Variants in PIGF observed in about 807,000 individuals in gnomAD.
The protein encoded by PIGF is GPI ethanolamine phosphate transferase, stabilizing subunit.
PIGF carries 23 observed loss-of-function variants against 26.0 expected under a neutral mutation model. That is an observed-to-expected ratio of 0.88 (90% CI 0.64 to 1.25). The LOEUF is 1.25. Among genes scored for constraint, PIGF ranks in the 50% most tolerant of loss-of-function variants. The pLI, the probability that PIGF is intolerant of heterozygous loss-of-function variation, is 0.00. For missense variants in PIGF, 278 were observed against 249.9 expected, an observed-to-expected ratio of 1.11 and a Z score of -0.76; for synonymous variants, 93 against 92.6, an observed-to-expected ratio of 1.00 and a Z score of -0.03.
At chr2:46,587,385 T>A (rs1669609900) in intron 5 of PIGF, among the ~76,000 whole-genome samples, 1 of 151,990 alleles carries the variant, frequency 6.6e-6, no homozygotes, top group Non-Finnish European at 1.5e-5. Context: ...TCTGTGACTT[T>A]AGGAAATGAA....
At chr2:46,597,975 T>C (rs1188267814) in intron 4 of PIGF, among the ~76,000 whole-genome samples, 1 of 152,216 alleles carries the variant, frequency 6.6e-6, no homozygotes, top group African/African-American at 2.4e-5. Context: ...GTCTTCTACT[T>C]AAAGACCTTG....
chr2:46,584,615 TA>T (rs1295035974), intron 5 of PIGF, among the ~76,000 whole-genome samples: 4 of 152,196 alleles, frequency 2.6e-5, no homozygotes, highest in Non-Finnish European at 5.9e-5. Context: ...AACACTTGGT[TA>T]TTCATGTTAT....
chr2:46,588,383 T>C lies in PIGF; in HGVS notation c.546+4092A>G. ...AAATAAATCATGGAATTTGCATTTT[T>C]TGAAGGCTAAAAATATAGTCATTAA... On this transcript the variant is annotated intron_variant, in intron 5 of 5. Coordinates refer to ENST00000281382, the MANE Select transcript of PIGF (RefSeq NM_002643.4). The surrounding 1 kb of genome is among the most constrained non-coding windows in gnomAD (Gnocchi z 4.1). 3.4e-6 allele frequency: 2 copies of C among 592,596 alleles called. No individual in the cohort carries two copies. Among genetic ancestry groups the C allele is most frequent in the Non-Finnish European group, 5.4e-6 (2 of 367,590 alleles). 36.7% of individuals were successfully genotyped at this position (592,596 alleles called of 1,614,324 possible).
chr2:46,617,021 C>G lies in PIGF; in HGVS notation c.-73G>C, dbSNP rs1670665950. On this transcript the variant is annotated 5_prime_UTR_variant, in exon 1 of 6. Transcript: ENST00000281382. ...GCGGGGAACTACTGCCTCCTACCAT[C>G]AGGTACGACGGGCGGCCCAGGCCCA... is the stretch of plus-strand genomic sequence containing the variant. 1.7e-6 allele frequency: 1 copy of G among 583,536 alleles called. No homozygotes were observed. The highest frequency in any genetic ancestry group is 1.9e-5 in the African/African-American group (1 of 52,742). The allele number at this position is 583,536 out of a possible 1,614,324, so 36.1% of individuals were successfully genotyped here.
chr2:46,588,015 G>C lies in PIGF; in HGVS notation c.546+4460C>G. Reference sequence around the variant, plus strand: ...CCACCTGAGTAATGCTAAGCAAGATGTGTACTCCTCCCCTCTCACACTTGG... The same window carrying C: ...CCACCTGAGTAATGCTAAGCAAGATCTGTACTCCTCCCCTCTCACACTTGG... On this transcript the variant is annotated intron_variant, in intron 5 of 5. Coordinates refer to ENST00000281382, the MANE Select transcript of PIGF (RefSeq NM_002643.4). This position sits in a 1 kb window ranked among gnomAD's most constrained non-coding sequence, Gnocchi z 4.1. The C allele has an allele frequency of 3.5e-6, 5 of 1,410,016 alleles. No individual in the cohort carries two copies. The highest frequency in any genetic ancestry group is 3.8e-6 in the Non-Finnish European group (4 of 1,063,980). 87.3% of individuals were successfully genotyped at this position (1,410,016 alleles called of 1,614,324 possible).
intron 4 of PIGF, among the ~76,000 whole-genome samples, chr2:46,600,660 A>G (rs1402297388): frequency 6.6e-6 from 1 of 152,180 alleles, no homozygotes; most frequent in Non-Finnish European, 1.5e-5. Context: ...AAGGAGAATC[A>G]GTAAGAAGCA....
intron 4 of PIGF, 70 bp from the exon 5 acceptor site, chr2:46,592,653 GCACACAT>G (rs1261461402): frequency 1.3e-6 from 1 of 770,394 alleles, no homozygotes; most frequent in Non-Finnish European, 2.4e-6. Flanking sequence ...ACAAGCACTA[GCACACAT>G]TATCAGTATA....
intron 4 of PIGF, among the ~76,000 whole-genome samples, chr2:46,606,405 T>C (rs1670223935): frequency 1.3e-5 from 2 of 152,176 alleles, no homozygotes; most frequent in African/African-American, 2.4e-5. Context: ...TATCGGTAAA[T>C]AAAGAGTTTT....
chr2:46,606,469 C>G (rs1670225978), intron 4 of PIGF, among the ~76,000 whole-genome samples: 1 of 151,992 alleles, frequency 6.6e-6, no homozygotes, highest in African/African-American at 2.4e-5. Flanking sequence ...ATGCATAGTA[C>G]TTCACAGTGT....
intron 4 of PIGF, among the ~76,000 whole-genome samples, 199 bp from the exon 5 acceptor site, chr2:46,592,782 G>T (rs1212879219): frequency 6.6e-6 from 1 of 152,182 alleles, no homozygotes; most frequent in Non-Finnish European, 1.5e-5. Context: ...CATTGGAAAG[G>T]TAATATACAG....
rs917765102 is a variant in PIGF, at chr2:46,581,338, T to C, written c.*140A>G. The C allele has an allele frequency of 5.3e-6, 7 of 1,317,448 alleles. No homozygotes were observed. In the African/African-American group the frequency reaches 6.0e-5, roughly 11 times the overall value. 81.6% of individuals were successfully genotyped at this position (1,317,448 alleles called of 1,614,324 possible). Reference sequence around the variant, plus strand: ...AAGGTACAATCTCTCAGGGGTTTCATAGTTTAAAAAGCTACAATCACATCA... The same window carrying C: ...AAGGTACAATCTCTCAGGGGTTTCACAGTTTAAAAAGCTACAATCACATCA... On this transcript the variant is annotated 3_prime_UTR_variant, in exon 6 of 6. Coordinates refer to ENST00000281382, the MANE Select transcript of PIGF (RefSeq NM_002643.4).
intron 4 of PIGF, 43 bp downstream of exon 4, chr2:46,612,184 AT>A (rs921723139): frequency 1.3e-5 from 8 of 596,204 alleles, no homozygotes; most frequent in African/African-American, 3.9e-5. Flanking sequence ...TTCATTAATT[AT>A]TTTTTAATTT....
In PIGF at chr2:46,615,088, A is replaced by T. The variant is rs762056909; in HGVS notation, c.77T>A (p.Ile26Asn). 1 of 1,586,840 alleles carries T rather than the reference A, an allele frequency of 6.3e-7. No homozygotes were observed. Among genetic ancestry groups the T allele is most frequent in the Admixed American group, 1.7e-5 (1 of 60,002 alleles). The change falls in exon 2 of 6, where the codon ATT becomes AAT. Residue 26 changes from isoleucine to asparagine, a missense_variant. Ile to Asn is a moderately radical substitution (Grantham distance 149). Coordinates refer to ENST00000281382, the MANE Select transcript of PIGF (RefSeq NM_002643.4). The part of the protein sequence containing the change: ...CIFSIILSVF[I>N]PSLFLENFSI... ...GAAGTTCTCCAAGAAGAGTGATGGA[A>T]TGAAGACACTTAGGATAATTGAAAA... is the stretch of plus-strand genomic sequence containing the variant.
rs1352442263 is a variant in PIGF, at chr2:46,588,411, T to C, written c.546+4064A>G. The C allele has an allele frequency of 2.4e-6, 1 of 425,002 alleles. No homozygotes were observed. Among genetic ancestry groups the C allele is most frequent in the Non-Finnish European group, 4.1e-6 (1 of 243,166 alleles). 26.3% of individuals were successfully genotyped at this position (425,002 alleles called of 1,614,324 possible). A position where few individuals can be genotyped will look rare whatever the true frequency, so the allele number is the denominator to read the frequency against. The stretch of plus-strand genomic sequence containing the variant: ...AAGGCTAAAAATATAGTCATTAAAC[T>C]ATGTCTTTTCTAGGTCACAAATGCC... On this transcript the variant is annotated intron_variant, in intron 5 of 5. Transcript: ENST00000281382. This position sits in a 1 kb window ranked among gnomAD's most constrained non-coding sequence, Gnocchi z 4.1.
In PIGF at chr2:46,592,016, T is replaced by C; in HGVS notation, c.546+459A>G. On this transcript the variant is annotated intron_variant, in intron 5 of 5. Coordinates refer to ENST00000281382, the MANE Select transcript of PIGF (RefSeq NM_002643.4). ...CCACAAGGGCAATAAATATCAAAGT[T>C]GAAAATAGGAAATTTCTGCAGCTAT... The C allele has an allele frequency of 9.5e-6, 12 of 1,260,636 alleles. 1 individual carries two copies. Among genetic ancestry groups the C allele is most frequent in the South Asian group, 8.9e-5 (7 of 78,900 alleles). 78.1% of individuals were successfully genotyped at this position (1,260,636 alleles called of 1,614,324 possible). A position where few individuals can be genotyped will look rare whatever the true frequency, so the allele number is the denominator to read the frequency against.
In PIGF at chr2:46,607,239, A is replaced by G. The variant is rs139107893; in HGVS notation, c.437+4989T>C. On this transcript the variant is annotated intron_variant, in intron 4 of 5. Coordinates refer to ENST00000281382, the MANE Select transcript of PIGF (RefSeq NM_002643.4). Reference sequence around the variant, plus strand: ...GCACATCTGGTGTTAATTTTCCCTCAGATTTCCAACAACCATCTCATCACT... The same window carrying G: ...GCACATCTGGTGTTAATTTTCCCTCGGATTTCCAACAACCATCTCATCACT... 1.3e-3 allele frequency among the ~76,000 whole-genome samples: 194 copies of G among 152,350 alleles called. 2 individuals are homozygous for G. Among genetic ancestry groups the G allele is most frequent in the African/African-American group, 4.5e-3 (188 of 41,588 alleles).
At chr2:46,586,925 T>C (rs1364769335) in intron 5 of PIGF, among the ~76,000 whole-genome samples, 2 of 152,242 alleles carry the variant, frequency 1.3e-5, no homozygotes, top group Non-Finnish European at 2.9e-5. Flanking sequence ...GGAAGAGTTA[T>C]TTGCGAAGGG....
chr2:46,604,225 C>T (rs1324121299), intron 4 of PIGF, among the ~76,000 whole-genome samples: 1 of 151,742 alleles, frequency 6.6e-6, no homozygotes, highest in Non-Finnish European at 1.5e-5. Context: ...CAAATGCTGG[C>T]GAGGATGTGG....
chr2:46,612,338 T>A lies in PIGF; in HGVS notation c.327A>T (p.Ala109=). ...TAACTGCAAATAAAAATGTTTCCAA[T>A]GCCAACCTAGAAAAAAAAAAAGATT... ...VLYGAPLIEL[A]LETFLFAVIL... The change falls in exon 4 of 6, where the codon GCA becomes GCT. Residue 109 remains alanine (A), a synonymous_variant. Transcript: ENST00000281382. 3 of 1,293,652 alleles carry A rather than the reference T, an allele frequency of 2.3e-6. No individual in the cohort carries two copies. The highest frequency in any genetic ancestry group is 2.1e-6 in the Non-Finnish European group (2 of 947,270). The allele number at this position is 1,293,652 out of a possible 1,614,324, so 80.1% of individuals were successfully genotyped here.
Sources: gnomAD v4.1 joint callset for allele counts (sites outside exome capture counted in the v4.1 genomes callset) on GRCh38, gnomAD v4.1.1 for gene constraint, Gnocchi (gnomAD v3.1) non-coding constraint, MANE v1.5 for transcripts, NCBI Gene and HGNC (gene_info 2026-07-23, HGNC 2026-07-21) for gene names.